The following CCSER1 variants were observed in gnomAD, a reference collection of about 807,000 sequenced individuals.
The protein encoded by CCSER1 is coiled-coil serine rich protein 1, also known as serine-rich coiled-coil domain-containing protein 1.
In CCSER1, 41 loss-of-function variants were observed where a neutral mutation model predicts 82.0. The observed-to-expected ratio is 0.50, with a 90% confidence interval of 0.39 to 0.65. CCSER1 has a LOEUF of 0.65. Among genes scored for constraint, CCSER1 ranks in the 30% least tolerant of loss-of-function variants. The probability of loss-of-function intolerance (pLI) is 0.00; values close to 1 mark genes in which losing one functional copy is unlikely to be tolerated. For synonymous variants in CCSER1, 414 were observed against 383.9 expected, an observed-to-expected ratio of 1.08 and a Z score of -0.92; for missense variants, 1,119 against 1,064.2, an observed-to-expected ratio of 1.05 and a Z score of -0.72.
intron 8 of CCSER1, among the ~76,000 whole-genome samples, chr4:90,916,914 A>G (rs1457402813): frequency 1.3e-5 from 2 of 150,458 alleles, no homozygotes; most frequent in African/African-American, 2.5e-5. Context: ...CATGAAAAAA[A>G]TGCTCATCAT....
chr4:90,573,402 G>A (rs1780344674), intron 5 of CCSER1, among the ~76,000 whole-genome samples: 1 of 152,210 alleles, frequency 6.6e-6, no homozygotes, highest in Non-Finnish European at 1.5e-5. Flanking sequence ...TTTTATTGTG[G>A]TAGGCCCAGT....
intron 9 of CCSER1, among the ~76,000 whole-genome samples, chr4:90,937,019 A>C (rs979604447): frequency 2.6e-5 from 4 of 152,210 alleles, no homozygotes; most frequent in Non-Finnish European, 5.9e-5. Flanking sequence ...CCAAGCATAC[A>C]CAACCAGACA....
At chr4:91,587,766 G>A (rs1189716348) in intron 10 of CCSER1, among the ~76,000 whole-genome samples, 1 of 151,446 alleles carries the variant, frequency 6.6e-6, no homozygotes, top group African/African-American at 2.4e-5. Flanking sequence ...GGTTCTGTAT[G>A]GAAATATTAA....
chr4:91,399,645 T>A (rs1403278251), intron 10 of CCSER1, among the ~76,000 whole-genome samples: 1 of 151,930 alleles, frequency 6.6e-6, no homozygotes, highest in Non-Finnish European at 1.5e-5. Flanking sequence ...AGCTTTCAGG[T>A]CCAAGACTTT....
chr4:91,511,446 C>T (rs769904739), intron 10 of CCSER1, among the ~76,000 whole-genome samples: 33 of 152,094 alleles, frequency 2.2e-4, no homozygotes, highest in Non-Finnish European at 3.8e-4. Context: ...TGCTTCCAGG[C>T]CATAGTAATG....
chr4:91,449,674 T>C (rs1474525226), intron 10 of CCSER1, among the ~76,000 whole-genome samples: 3 of 152,006 alleles, frequency 2.0e-5, no homozygotes, highest in African/African-American at 7.2e-5. Context: ...TAATCACTTT[T>C]CAGTCCCTAA....
At chr4:90,672,356 C>T (rs62314398) in intron 6 of CCSER1, among the ~76,000 whole-genome samples, 18,415 of 152,040 alleles carry the variant, frequency 0.12, 1,232 homozygotes, top group East Asian at 0.23. Flanking sequence ...TATGTTATGG[C>T]TTCTTTCCTT....
At chr4:91,154,533 C>T (rs752960238) in intron 10 of CCSER1, among the ~76,000 whole-genome samples, 9 of 152,042 alleles carry the variant, frequency 5.9e-5, no homozygotes, top group Non-Finnish European at 1.0e-4. Flanking sequence ...CACTGTCCTG[C>T]ACCCACTGTC....
At chr4:90,593,833 C>G (rs1242460791) in intron 5 of CCSER1, among the ~76,000 whole-genome samples, 2 of 151,904 alleles carry the variant, frequency 1.3e-5, no homozygotes, top group African/African-American at 2.4e-5. Context: ...CTTTCCTTAA[C>G]TTTTTATTCT....
chr4:90,751,809 T>G (rs1018878581), intron 7 of CCSER1, among the ~76,000 whole-genome samples: 2 of 152,088 alleles, frequency 1.3e-5, no homozygotes, highest in African/African-American at 2.4e-5. Flanking sequence ...TGTGTTTATA[T>G]TTTAGACTTA....
At chr4:90,658,000 A>T (rs945731573) in intron 6 of CCSER1, among the ~76,000 whole-genome samples, 1 of 152,132 alleles carries the variant, frequency 6.6e-6, no homozygotes, top group Non-Finnish European at 1.5e-5. Context: ...CTATGTCAGG[A>T]GACTGAGGCA....
chr4:91,413,102 G>A (rs1169549507), intron 10 of CCSER1, among the ~76,000 whole-genome samples: 2 of 152,046 alleles, frequency 1.3e-5, no homozygotes, highest in East Asian at 1.9e-4. Context: ...AAAAATTAAT[G>A]GAGAGCTTCA....
At chr4:91,208,757 A>G (rs888545786) in intron 10 of CCSER1, among the ~76,000 whole-genome samples, 9 of 151,642 alleles carry the variant, frequency 5.9e-5, no homozygotes, top group Non-Finnish European at 1.5e-5. Flanking sequence ...TCTGTGAAGA[A>G]TGGTAGTTTG....
chr4:90,277,554 C>T (rs1728061914), intron 1 of CCSER1, among the ~76,000 whole-genome samples: 1 of 151,968 alleles, frequency 6.6e-6, no homozygotes, highest in Admixed American at 6.6e-5. Context: ...CTTAAACAAA[C>T]TCAACAAAAA....
chr4:90,945,753 T>G (rs1732160286), intron 9 of CCSER1, among the ~76,000 whole-genome samples: 1 of 152,214 alleles, frequency 6.6e-6, no homozygotes, highest in East Asian at 1.9e-4. Flanking sequence ...CCCAATATAT[T>G]TCATAACTTC....
At chr4:91,070,199 C>A (rs1286250227) in intron 9 of CCSER1, among the ~76,000 whole-genome samples, 1 of 152,072 alleles carries the variant, frequency 6.6e-6, no homozygotes, top group Non-Finnish European at 1.5e-5. Context: ...GTTGACCAGA[C>A]TGTTTAGAAC....
chr4:90,219,185 G>A (rs1390185825), intron 1 of CCSER1, among the ~76,000 whole-genome samples: 1 of 152,178 alleles, frequency 6.6e-6, no homozygotes, highest in Non-Finnish European at 1.5e-5. Context: ...TATGGAAATA[G>A]GGATGAGGAA....
chr4:90,149,823 AGAG>A (rs1726471853), intron 1 of CCSER1, among the ~76,000 whole-genome samples: 1 of 152,150 alleles, frequency 6.6e-6, no homozygotes, highest in African/African-American at 2.4e-5. Flanking sequence ...AAAGAAAAAA[AGAG>A]CAATATATTT....
chr4:90,934,438 T>C (rs912738229), intron 9 of CCSER1, among the ~76,000 whole-genome samples: 1 of 139,378 alleles, frequency 7.2e-6, no homozygotes, highest in East Asian at 2.0e-4. Context: ...TATTTGCTAA[T>C]TGAAGAATAT....
Sources: allele counts gnomAD v4.1 joint callset (sites outside exome capture counted in the v4.1 genomes callset), GRCh38; gene constraint gnomAD v4.1.1; transcripts MANE v1.5; gene names NCBI Gene and HGNC (gene_info 2026-07-23, HGNC 2026-07-21).